SLC9C1: variants seen among roughly 807,000 people sequenced by gnomAD.
SLC9C1 encodes the protein solute carrier family 9 member C1.
Under a neutral mutation model 140.9 loss-of-function variants are expected in SLC9C1, and 97 were observed. That is an observed-to-expected ratio of 0.69 (90% CI 0.58 to 0.82). The LOEUF (loss-of-function observed/expected upper bound fraction) is 0.82. Among genes scored for constraint, SLC9C1 ranks in the 40% least tolerant of loss-of-function variants. The probability of loss-of-function intolerance (pLI) is 0.00; values close to 1 mark genes in which losing one functional copy is unlikely to be tolerated. For missense variants in SLC9C1, 1,340 were observed against 1,389.3 expected, an observed-to-expected ratio of 0.96 and a Z score of 0.56; for synonymous variants, 440 against 442.6, an observed-to-expected ratio of 0.99 and a Z score of 0.07.
At chr3:112,285,122 G>T (rs1409407039) in intron 2 of SLC9C1, among the ~76,000 whole-genome samples, 2 of 151,316 alleles carry the variant, frequency 1.3e-5, no homozygotes. Context: ...GAGTAGCTGG[G>T]ACTACAGGTG....
intron 14 of SLC9C1, among the ~76,000 whole-genome samples, chr3:112,220,401 C>G (rs1039699148): frequency 5.3e-5 from 8 of 152,118 alleles, no homozygotes; most frequent in African/African-American, 1.9e-4. Flanking sequence ...CACCAAAGGC[C>G]GGGTTTGCTC....
intron 20 of SLC9C1, among the ~76,000 whole-genome samples, chr3:112,187,100 T>C (rs2077554849): frequency 6.6e-6 from 1 of 152,172 alleles, no homozygotes. Context: ...AGAGCCTGAG[T>C]TCTGGGATCA....
Position 112,225,983 on chromosome 3 carries a change from CCA to C in SLC9C1, c.1573-4760_1573-4759del, listed in dbSNP as rs143338945. On this transcript the variant is annotated intron_variant, in intron 13 of 28. Coordinates refer to ENST00000305815, the MANE Select transcript of SLC9C1 (RefSeq NM_183061.3). ...CGATAATAGTTGGGTCTTTAAAACC[CCA>C]GTCATAGCATTGGAAGGACTATCTA... Among the ~76,000 whole-genome samples the C allele has an allele frequency of 9.9e-3, 1,510 of 151,826 alleles. 25 individuals are homozygous for C. Among genetic ancestry groups the C allele is most frequent in the African/African-American group, 0.034 (1,408 of 41,356 alleles).
At chr3:112,268,331 G>A (rs555716809) in intron 7 of SLC9C1, among the ~76,000 whole-genome samples, 3 of 152,052 alleles carry the variant, frequency 2.0e-5, no homozygotes, top group Admixed American at 1.3e-4. Context: ...AGATCCTCTG[G>A]TCTGCCTTTT....
chr3:112,279,714 T>C (rs1391146512), intron 3 of SLC9C1, among the ~76,000 whole-genome samples: 2 of 152,220 alleles, frequency 1.3e-5, no homozygotes, highest in African/African-American at 2.4e-5. Context: ...TGGCCAGATA[T>C]ATAACCCAAT....
chr3:112,210,034 T>C (rs1473176633), intron 15 of SLC9C1, among the ~76,000 whole-genome samples: 1 of 152,160 alleles, frequency 6.6e-6, no homozygotes, highest in African/African-American at 2.4e-5. Flanking sequence ...TACAACAATC[T>C]TGAAAAAGAA....
At chr3:112,252,907 T>C (rs1576452400) in intron 10 of SLC9C1, among the ~76,000 whole-genome samples, 1 of 152,038 alleles carries the variant, frequency 6.6e-6, no homozygotes, top group East Asian at 1.9e-4. Context: ...GCTGGCAAAA[T>C]GTCTGTACCT....
intron 20 of SLC9C1, among the ~76,000 whole-genome samples, chr3:112,183,223 T>C (rs901923554): frequency 1.3e-5 from 2 of 152,146 alleles, no homozygotes; most frequent in African/African-American, 2.4e-5. Context: ...TTCCCGTTGT[T>C]CCACCCTGTT....
chr3:112,261,310 C>A (rs2079764771), intron 10 of SLC9C1, among the ~76,000 whole-genome samples: 1 of 152,036 alleles, frequency 6.6e-6, no homozygotes. Context: ...GCATTGCATT[C>A]TAGGTAAAAG....
intron 14 of SLC9C1, among the ~76,000 whole-genome samples, chr3:112,217,893 A>G (rs1301243554): frequency 6.6e-6 from 1 of 152,218 alleles, no homozygotes; most frequent in Non-Finnish European, 1.5e-5. Context: ...ATTGTCTGGT[A>G]TGGCAATGGA....
At chr3:112,151,995 C>T in intron 27 of SLC9C1, 32 bp from the exon 28 acceptor site, 1 of 1,538,486 alleles carries the variant, frequency 6.5e-7, no homozygotes, top group Non-Finnish European at 8.7e-7. Flanking sequence ...TACTTGATGT[C>T]ATGATAGGCC....
intron 23 of SLC9C1, among the ~76,000 whole-genome samples, chr3:112,171,145 C>T (rs762694326): frequency 4.6e-5 from 7 of 151,682 alleles, no homozygotes; most frequent in East Asian, 1.9e-4. Context: ...ATCCGGGAGG[C>T]GGAGGTTGCA....
intron 28 of SLC9C1, among the ~76,000 whole-genome samples, chr3:112,147,212 G>C (rs930473170): frequency 6.6e-6 from 1 of 152,186 alleles, no homozygotes; most frequent in East Asian, 1.9e-4. Flanking sequence ...TGCGTTTCTT[G>C]AAGGATAGGT....
intron 15 of SLC9C1, 38 bp from the exon 16 acceptor site, chr3:112,208,411 T>A (rs770246081): frequency 7.4e-7 from 1 of 1,345,068 alleles, no homozygotes; most frequent in South Asian, 1.5e-5. Flanking sequence ...GATAAAAGGT[T>A]TACATTAAAT....
intron 1 of SLC9C1, among the ~76,000 whole-genome samples, chr3:112,292,630 G>T (rs1014585288): frequency 7.2e-5 from 11 of 151,936 alleles, no homozygotes; most frequent in African/African-American, 2.4e-4. Flanking sequence ...TGCAAGCTCT[G>T]CCTCCCGGGT....
chr3:112,170,976 G>A (rs1325049009), intron 23 of SLC9C1, among the ~76,000 whole-genome samples: 1 of 152,218 alleles, frequency 6.6e-6, no homozygotes, highest in Non-Finnish European at 1.5e-5. Flanking sequence ...CACTTTGGGA[G>A]GCTGAGGCGG....
chr3:112,221,210 G>A lies in SLC9C1; in HGVS notation c.1588C>T (p.Gln530Ter). ...LSAQIASYQR[Q>*]YRNEILSQSA... ...TGGGACAGAATCTCATTCCTGTATTGTCTCTGGTAGCTTGCCTAAAAAAAT... is the reference window on the plus strand; with the variant it reads ...TGGGACAGAATCTCATTCCTGTATTATCTCTGGTAGCTTGCCTAAAAAAAT... The change falls in exon 14 of 29, where the codon CAA becomes TAA. Residue 530 changes from glutamine to a stop codon, truncating the protein, a stop_gained. Coordinates refer to ENST00000305815, the MANE Select transcript of SLC9C1 (RefSeq NM_183061.3). LOFTEE classifies it high-confidence loss of function. 6.2e-7 allele frequency: 1 copy of A among 1,613,308 alleles called. No individual in the cohort carries two copies. The highest frequency in any genetic ancestry group is 8.5e-7 in the Non-Finnish European group (1 of 1,179,568).
intron 20 of SLC9C1, among the ~76,000 whole-genome samples, chr3:112,190,674 A>G (rs1253815306): frequency 1.3e-5 from 2 of 152,120 alleles, no homozygotes; most frequent in East Asian, 3.9e-4. Flanking sequence ...GATGTCAAAT[A>G]TCTTTTCAAA....
chr3:112,217,034 GATGAGTTC>G (rs940845034), intron 15 of SLC9C1, among the ~76,000 whole-genome samples: 64 of 152,148 alleles, frequency 4.2e-4, no homozygotes, highest in African/African-American at 1.5e-3. Context: ...CATAAAAAGG[GATGAGTTC>G]ATGTCCTTTG....
Sources: allele counts gnomAD v4.1 joint callset (sites outside exome capture counted in the v4.1 genomes callset), GRCh38; gene constraint gnomAD v4.1.1; transcripts MANE v1.5; gene names NCBI Gene and HGNC (gene_info 2026-07-23, HGNC 2026-07-21).